The following SUGCT variants were observed in gnomAD, a reference collection of about 807,000 sequenced individuals.
SUGCT encodes succinyl-CoA:glutarate CoA-transferase.
SUGCT carries 41 observed loss-of-function variants against 55.0 expected under a neutral mutation model. The ratio of observed to expected loss-of-function variants is 0.74; its 90% confidence interval spans 0.58 to 0.97. The LOEUF (loss-of-function observed/expected upper bound fraction) is 0.97, where lower values mean the gene tolerates loss of function less well. Ranked by LOEUF, SUGCT falls within the 50% of genes least tolerant of loss-of-function variation. The pLI is 0.00. For missense variants in SUGCT, 568 were observed against 547.8 expected, an observed-to-expected ratio of 1.04 and a Z score of -0.37; for synonymous variants, 187 against 200.4, an observed-to-expected ratio of 0.93 and a Z score of 0.56.
chr7:40,637,969 T>C (rs1275292350), intron 12 of SUGCT, among the ~76,000 whole-genome samples: 1 of 152,252 alleles, frequency 6.6e-6, no homozygotes, highest in Non-Finnish European at 1.5e-5. Flanking sequence ...TTATCTGTCC[T>C]GATACTGGTT....
At chr7:40,904,166 A>G in the SUGCT span, among the ~76,000 whole-genome samples, 1 of 152,242 alleles carries the variant, frequency 6.6e-6, no homozygotes, top group Non-Finnish European at 1.5e-5. Flanking sequence ...AGCAGCGAGT[A>G]CTTTTAAAGC....
intron 10 of SUGCT, among the ~76,000 whole-genome samples, chr7:40,454,384 A>G (rs1339406115): frequency 6.6e-6 from 1 of 152,226 alleles, no homozygotes; most frequent in Non-Finnish European, 1.5e-5. Flanking sequence ...GTGTCCTTTA[A>G]GAACAGGTGT....
chr7:40,900,710 C>G, the SUGCT span, among the ~76,000 whole-genome samples: 1 of 152,202 alleles, frequency 6.6e-6, no homozygotes, highest in South Asian at 2.1e-4. Context: ...CTGCAAAAAC[C>G]ACGAGGCAGC....
At chr7:40,283,414 C>T (rs2422303) in intron 8 of SUGCT, among the ~76,000 whole-genome samples, 82,281 of 151,564 alleles carry the variant, frequency 0.54, 24,294 homozygotes, top group Non-Finnish European at 0.67. Context: ...TTTTTGGTAG[C>T]GACGGGGTTC....
chr7:40,276,334 G>T (rs968886751), intron 8 of SUGCT, among the ~76,000 whole-genome samples: 2 of 152,122 alleles, frequency 1.3e-5, no homozygotes, highest in Non-Finnish European at 2.9e-5. Flanking sequence ...GTAAGCAACT[G>T]CATAAAAGTT....
intron 7 of SUGCT, among the ~76,000 whole-genome samples, chr7:40,243,284 A>T (rs1321581284): frequency 2.6e-5 from 4 of 152,006 alleles, no homozygotes; most frequent in Non-Finnish European, 5.9e-5. Context: ...GTTAAACATC[A>T]AGAAGAATTA....
intron 12 of SUGCT, among the ~76,000 whole-genome samples, chr7:40,722,034 G>A (rs543942192): frequency 6.6e-6 from 1 of 152,112 alleles, no homozygotes; most frequent in East Asian, 1.9e-4. Flanking sequence ...TTAAATATGA[G>A]GAAAGCTGGC....
At chr7:40,645,154 T>C (rs1300981210) in intron 12 of SUGCT, among the ~76,000 whole-genome samples, 1 of 152,228 alleles carries the variant, frequency 6.6e-6, no homozygotes, top group African/African-American at 2.4e-5. Flanking sequence ...GACACTGAAC[T>C]GCTGGTGGCT....
chr7:40,288,053 T>G (rs1256165766), intron 8 of SUGCT, among the ~76,000 whole-genome samples: 1 of 152,172 alleles, frequency 6.6e-6, no homozygotes, highest in East Asian at 1.9e-4. Context: ...GTATGATCTT[T>G]GTATGTATTG....
At chr7:40,565,766 A>C (rs1224774711) in intron 12 of SUGCT, among the ~76,000 whole-genome samples, 1 of 152,060 alleles carries the variant, frequency 6.6e-6, no homozygotes, top group Non-Finnish European at 1.5e-5. Flanking sequence ...GATGTTCTCT[A>C]GCACACTAAG....
chr7:40,577,295 A>G (rs563844867), intron 12 of SUGCT, among the ~76,000 whole-genome samples: 1 of 152,236 alleles, frequency 6.6e-6, no homozygotes, highest in East Asian at 1.9e-4. Context: ...CTCTGAGTGG[A>G]GGAGAGAGGG....
At chr7:40,253,376 G>A (rs1790572493) in intron 7 of SUGCT, among the ~76,000 whole-genome samples, 1 of 152,092 alleles carries the variant, frequency 6.6e-6, no homozygotes, top group East Asian at 1.9e-4. Flanking sequence ...TCCTCCTTTA[G>A]TTTTCTTCAT....
At chr7:40,825,797 C>G (rs1485507941) in intron 13 of SUGCT, among the ~76,000 whole-genome samples, 1 of 152,162 alleles carries the variant, frequency 6.6e-6, no homozygotes, top group Non-Finnish European at 1.5e-5. Flanking sequence ...TAGATGCTTA[C>G]ATTCCCAGCT....
chr7:40,928,008 TG>T, the SUGCT span, among the ~76,000 whole-genome samples: 1 of 152,148 alleles, frequency 6.6e-6, no homozygotes, highest in Non-Finnish European at 1.5e-5. Context: ...GAATCTCTAG[TG>T]GTAGTCAAAT....
chr7:40,755,869 G>C (rs1396956511), intron 13 of SUGCT, among the ~76,000 whole-genome samples: 1 of 152,138 alleles, frequency 6.6e-6, no homozygotes, highest in Non-Finnish European at 1.5e-5. Flanking sequence ...CTGGTCCCCT[G>C]ATCTGTGTTT....
At chr7:40,141,185 C>CT (rs1378818800) in intron 1 of SUGCT, among the ~76,000 whole-genome samples, 148 of 142,388 alleles carry the variant, frequency 1.0e-3, no homozygotes, top group Middle Eastern at 3.6e-3. Flanking sequence ...ATTTCTTTTC[C>CT]TTTTTTTTTT....
intron 13 of SUGCT, among the ~76,000 whole-genome samples, chr7:40,781,576 A>T (rs1304334760): frequency 1.3e-5 from 2 of 152,164 alleles, no homozygotes; most frequent in Non-Finnish European, 2.9e-5. Flanking sequence ...TGAGATTCAG[A>T]CTTGCTAGTA....
chr7:40,667,662 T>G (rs1044597295), intron 12 of SUGCT, among the ~76,000 whole-genome samples: 2 of 152,032 alleles, frequency 1.3e-5, no homozygotes, highest in African/African-American at 4.8e-5. Flanking sequence ...AGTTTCTTCC[T>G]GGTTCAATCT....
At chr7:40,328,069 G>C (rs1158292908) in intron 9 of SUGCT, among the ~76,000 whole-genome samples, 1 of 152,096 alleles carries the variant, frequency 6.6e-6, no homozygotes, top group Non-Finnish European at 1.5e-5. Flanking sequence ...TGCATGTTTA[G>C]TTTCATTTTC....
Sources: allele counts gnomAD v4.1 joint callset (sites outside exome capture counted in the v4.1 genomes callset), GRCh38; gene constraint gnomAD v4.1.1; transcripts MANE v1.5; gene names NCBI Gene and HGNC (gene_info 2026-07-23, HGNC 2026-07-21).